Variants in SRSF11 observed in about 807,000 individuals in gnomAD.
SRSF11 encodes the protein serine/arginine-rich splicing factor 11.
In SRSF11, 9 loss-of-function variants were observed where a neutral mutation model predicts 56.0. That is an observed-to-expected ratio of 0.16 (90% CI 0.10 to 0.28). SRSF11 has a LOEUF of 0.28. Among genes scored for constraint, SRSF11 ranks in the 10% least tolerant of loss-of-function variants. The pLI, the probability that SRSF11 is intolerant of heterozygous loss-of-function variation, is 1.00. For synonymous variants in SRSF11, 222 were observed against 215.3 expected, an observed-to-expected ratio of 1.03 and a Z score of -0.27; for missense variants, 421 against 600.7, an observed-to-expected ratio of 0.70 and a Z score of 3.13.
intron 1 of SRSF11, among the ~76,000 whole-genome samples, chr1:70,207,882 T>C (rs1669199446): frequency 6.6e-6 from 1 of 152,084 alleles, no homozygotes; most frequent in Non-Finnish European, 1.5e-5. Context: ...GCCCAGCTAA[T>C]TGTTTTTATT....
intron 9 of SRSF11, 58 bp from the exon 10 acceptor site, chr1:70,249,894 C>G (rs772964479): frequency 6.5e-7 from 1 of 1,538,446 alleles, no homozygotes; most frequent in East Asian, 2.3e-5. Context: ...TATGATGTGT[C>G]TGCATTTTTA....
intron 8 of SRSF11, among the ~76,000 whole-genome samples, chr1:70,245,198 A>G (rs1050852364): frequency 1.3e-5 from 2 of 152,206 alleles, no homozygotes; most frequent in African/African-American, 2.4e-5. Context: ...GAGGCATACA[A>G]TTTCACAGCA....
chr1:70,224,581 G>T (rs1245799836), intron 1 of SRSF11, among the ~76,000 whole-genome samples: 1 of 152,082 alleles, frequency 6.6e-6, no homozygotes, highest in Non-Finnish European at 1.5e-5. Flanking sequence ...TGCCTATTTT[G>T]GGGAAACATT....
intron 1 of SRSF11, among the ~76,000 whole-genome samples, chr1:70,213,634 GCTTAA>G (rs1476919236): frequency 6.6e-6 from 1 of 151,956 alleles, no homozygotes; most frequent in Admixed American, 6.6e-5. Flanking sequence ...TAGACAAGTT[GCTTAA>G]CTTTTCTAAG....
At chr1:70,240,689 A>C (rs1162988947) in intron 7 of SRSF11, among the ~76,000 whole-genome samples, 1 of 151,756 alleles carries the variant, frequency 6.6e-6, no homozygotes. Flanking sequence ...TAGGATTGAC[A>C]TTCAGAACTA....
intron 1 of SRSF11, among the ~76,000 whole-genome samples, chr1:70,227,772 T>C (rs1672118482): frequency 6.6e-6 from 1 of 152,220 alleles, no homozygotes; most frequent in Non-Finnish European, 1.5e-5. Flanking sequence ...ACTAGCCCTT[T>C]TGCTTATTGA....
intron 7 of SRSF11, among the ~76,000 whole-genome samples, chr1:70,240,195 TACTC>T (rs941067541): frequency 7.9e-5 from 12 of 152,224 alleles, no homozygotes; most frequent in African/African-American, 2.7e-4. Context: ...CACAGAATAT[TACTC>T]AAGAGACTAG....
chr1:70,241,519 T>C (rs1675390314), intron 7 of SRSF11, among the ~76,000 whole-genome samples: 1 of 152,224 alleles, frequency 6.6e-6, no homozygotes, highest in Non-Finnish European at 1.5e-5. Flanking sequence ...AGTTCCTTAT[T>C]GCCTTGATAA....
At chr1:70,221,875 C>G (rs1259517396) in intron 1 of SRSF11, 36 bp downstream of exon 1, 2 of 1,611,454 alleles carry the variant, frequency 1.2e-6, no homozygotes, top group African/African-American at 2.7e-5. Flanking sequence ...CCTGCTAACG[C>G]CGCCTCAGCC....
chr1:70,244,851 C>G, intron 8 of SRSF11, 36 bp downstream of exon 8: 1 of 1,610,332 alleles, frequency 6.2e-7, no homozygotes, highest in South Asian at 1.1e-5. Flanking sequence ...TTTTAGGGTT[C>G]CCAGTACCCC....
At chr1:70,218,299 A>C (rs1670208433), upstream of SRSF11, among the ~76,000 whole-genome samples, 1 of 152,210 alleles carries the variant, frequency 6.6e-6, no homozygotes, top group Non-Finnish European at 1.5e-5. Context: ...CAGCCTTCTA[A>C]CTTTAAATTC....
At chr1:70,221,902 A>G in intron 1 of SRSF11, 63 bp downstream of exon 1, 2 of 1,596,556 alleles carry the variant, frequency 1.3e-6, no homozygotes, top group East Asian at 2.2e-5. Context: ...TAACACACAC[A>G]ATTTCCTTAG....
intron 7 of SRSF11, 152 bp from the exon 8 acceptor site, chr1:70,244,532 G>A (rs571170967): frequency 7.6e-6 from 6 of 789,342 alleles, no homozygotes; most frequent in Middle Eastern, 3.8e-4. Context: ...GAAGGTGTTT[G>A]TTCTATGGGC....
intron 1 of SRSF11, among the ~76,000 whole-genome samples, chr1:70,211,348 G>A (rs549580145): frequency 4.3e-4 from 65 of 151,924 alleles, no homozygotes; most frequent in African/African-American, 1.5e-3. Flanking sequence ...CCACAATTTT[G>A]TTCAATTGGA....
chr1:70,226,043 T>C (rs1671706214), intron 1 of SRSF11, among the ~76,000 whole-genome samples: 1 of 151,972 alleles, frequency 6.6e-6, no homozygotes, highest in African/African-American at 2.4e-5. Flanking sequence ...ATAGAAAAAT[T>C]AGCCGGACGT....
intron 5 of SRSF11, among the ~76,000 whole-genome samples, chr1:70,237,184 A>G (rs1020589570): frequency 1.3e-5 from 2 of 152,188 alleles, no homozygotes; most frequent in African/African-American, 4.8e-5. Flanking sequence ...AAGTTAATGG[A>G]TGTTCAGCAA....
rs1477789567 is a variant in SRSF11 at position 70,237,473 on chromosome 1, T to C, written c.639T>C (p.Asp213=). Residue 213 remains aspartate, a synonymous_variant, in exon 6 of 12, where the codon GAT becomes GAC. Transcript: ENST00000370949. ...AGLVSPSLKS[D]TSSKEIEEAM... The stretch of plus-strand genomic sequence containing the variant: ...TCGTTTCACCAAGTCTGAAATCGGA[T>C]ACCTCTAGTAAAGAAATAGAGGAAG... The C allele has an allele frequency of 1.9e-6, 3 of 1,614,040 alleles. No individual in the cohort carries two copies.
chr1:70,239,083 G>T (rs1165965479), intron 6 of SRSF11, among the ~76,000 whole-genome samples: 1 of 152,040 alleles, frequency 6.6e-6, no homozygotes, highest in Non-Finnish European at 1.5e-5. Flanking sequence ...CCTATTTGAT[G>T]TGTTTTTTTG....
At chr1:70,214,938 G>A (rs551450178) in intron 1 of SRSF11, among the ~76,000 whole-genome samples, 48 of 130,576 alleles carry the variant, frequency 3.7e-4, no homozygotes, top group East Asian at 2.2e-3. Context: ...TTGCCCTGTC[G>A]CCTAGGCTGG....
Sources: allele counts gnomAD v4.1 joint callset (sites outside exome capture counted in the v4.1 genomes callset), GRCh38; gene constraint gnomAD v4.1.1; transcripts MANE v1.5; gene names NCBI Gene and HGNC (gene_info 2026-07-23, HGNC 2026-07-21).